The following TBC1D5 variants were observed in gnomAD, a reference collection of about 807,000 sequenced individuals.
TBC1D5 encodes the protein TBC1 domain family member 5, also known as TBC1 domain family, member 5.
Under a neutral mutation model 100.3 loss-of-function variants are expected in TBC1D5, and 75 were observed. The observed-to-expected ratio is 0.75, with a 90% CI of 0.62 to 0.91. The LOEUF is 0.91. TBC1D5 is among the 40% of genes least tolerant of loss of function. The pLI is 0.00. For synonymous variants in TBC1D5, 323 were observed against 325.6 expected, an observed-to-expected ratio of 0.99 and a Z score of 0.09; for missense variants, 910 against 942.4, an observed-to-expected ratio of 0.97 and a Z score of 0.45.
intron 2 of TBC1D5, among the ~76,000 whole-genome samples, chr3:17,620,772 A>C (rs946447070): frequency 2.6e-5 from 4 of 152,142 alleles, no homozygotes; most frequent in African/African-American, 9.7e-5. Context: ...ATATTCAAAA[A>C]ATTAAATCAA....
exon 16 of TBC1D5, chr3:17,258,516 T>G (rs760312362): frequency 6.2e-7 from 1 of 1,612,332 alleles, no homozygotes; most frequent in Non-Finnish European, 8.5e-7. Context: ...CGGCTTTTAT[T>G]CATGAGGTCT....
chr3:17,741,137 T>C (rs1275338196), upstream of TBC1D5, among the ~76,000 whole-genome samples: 1 of 152,222 alleles, frequency 6.6e-6, no homozygotes, highest in Non-Finnish European at 1.5e-5. Context: ...TCAAAGATAG[T>C]CCCTTGTCCA....
chr3:17,398,250 G>C (rs1559799609), intron 8 of TBC1D5, among the ~76,000 whole-genome samples: 3 of 152,072 alleles, frequency 2.0e-5, no homozygotes, highest in Admixed American at 6.6e-5. Flanking sequence ...AATGGGAATA[G>C]TAACAACCTC....
At position 17,422,346 on chromosome 3, in the gene TBC1D5, G is replaced by GT. The variant is rs200102244; in HGVS notation, c.167+6103dup. 8.5e-3 allele frequency among the ~76,000 whole-genome samples: 1,257 copies of GT among 147,088 alleles called. 27 individuals carry two copies. Among genetic ancestry groups the GT allele is most frequent in the African/African-American group, 0.03 (1,175 of 39,016 alleles). On this transcript the variant is annotated intron_variant, in intron 4 of 21. Coordinates refer to ENST00000253692, the Ensembl canonical transcript of TBC1D5. ...ACCACACTGGCTAATTTTGTTTTTT[G>GT]TTTTTTTGTTTTTTTTTTTCAGTAG...
chr3:17,318,680 T>C (rs1184161154), intron 13 of TBC1D5, among the ~76,000 whole-genome samples: 1 of 152,228 alleles, frequency 6.6e-6, no homozygotes, highest in Non-Finnish European at 1.5e-5. Flanking sequence ...CCAGTGTTTT[T>C]TCTATTCTTT....
At chr3:17,251,107 G>C (rs1249444167) in intron 16 of TBC1D5, among the ~76,000 whole-genome samples, 2 of 152,054 alleles carry the variant, frequency 1.3e-5, no homozygotes, top group Non-Finnish European at 1.5e-5. Context: ...AAACAAGCTT[G>C]ATAATCTTAC....
At chr3:17,201,069 T>C (rs2071403711) in intron 18 of TBC1D5, among the ~76,000 whole-genome samples, 1 of 152,216 alleles carries the variant, frequency 6.6e-6, no homozygotes, top group South Asian at 2.1e-4. Context: ...CTAACATGTT[T>C]TCCTGGTAAA....
At chr3:17,208,972 T>C (rs2072598424) in intron 18 of TBC1D5, among the ~76,000 whole-genome samples, 2 of 152,224 alleles carry the variant, frequency 1.3e-5, no homozygotes, top group Admixed American at 1.3e-4. Flanking sequence ...AACACTTACA[T>C]AAGTGTTAAT....
At chr3:17,527,782 G>C (rs2096158136) in intron 2 of TBC1D5, among the ~76,000 whole-genome samples, 2 of 152,084 alleles carry the variant, frequency 1.3e-5, no homozygotes, top group South Asian at 4.2e-4. Flanking sequence ...TGGGCATCTA[G>C]CCAGATGACA....
chr3:17,694,199 T>A (rs371245925), intron 1 of TBC1D5, among the ~76,000 whole-genome samples: 17 of 152,318 alleles, frequency 1.1e-4, no homozygotes, highest in African/African-American at 4.1e-4. Flanking sequence ...CTCCAAAACA[T>A]TGCAGCTCCT....
intron 19 of TBC1D5, among the ~76,000 whole-genome samples, chr3:17,170,654 G>A (rs1170293953): frequency 6.6e-6 from 1 of 152,064 alleles, no homozygotes; most frequent in African/African-American, 2.4e-5. Context: ...CACAGTCTAT[G>A]GGCACACAGG....
chr3:17,596,235 C>G (rs1218794870), intron 2 of TBC1D5, among the ~76,000 whole-genome samples: 1 of 151,360 alleles, frequency 6.6e-6, no homozygotes, highest in African/African-American at 2.4e-5. Flanking sequence ...ACTTGAGAAG[C>G]TTATTAAAAT....
At chr3:17,340,446 G>A (rs537353177) in intron 13 of TBC1D5, among the ~76,000 whole-genome samples, 78 of 152,292 alleles carry the variant, frequency 5.1e-4, no homozygotes, top group African/African-American at 1.7e-3. Context: ...CAACAGCAGT[G>A]CTGGGGTGCA....
intron 1 of TBC1D5, among the ~76,000 whole-genome samples, chr3:17,729,610 C>A (rs1019166799): frequency 6.6e-6 from 1 of 151,400 alleles, no homozygotes; most frequent in South Asian, 2.1e-4. Flanking sequence ...AGGAGGCTGA[C>A]GCAGGAGAAT....
At chr3:17,283,881 T>C (rs1344817160) in intron 15 of TBC1D5, among the ~76,000 whole-genome samples, 1 of 152,134 alleles carries the variant, frequency 6.6e-6, no homozygotes, top group Non-Finnish European at 1.5e-5. Flanking sequence ...TCTTTCAATT[T>C]CACCAATAGC....
At chr3:17,412,439 A>G (rs78371281) in intron 4 of TBC1D5, among the ~76,000 whole-genome samples, 3,410 of 152,282 alleles carry the variant, frequency 0.022, 118 homozygotes, top group African/African-American at 0.077. Context: ...TAGCCCTTCT[A>G]GGGGAGAAGG....
intron 19 of TBC1D5, among the ~76,000 whole-genome samples, chr3:17,173,127 C>T (rs906137611): frequency 3.9e-5 from 6 of 152,132 alleles, no homozygotes; most frequent in African/African-American, 1.4e-4. Context: ...AGCAACCCTT[C>T]TAGATGAGAA....
chr3:17,256,285 A>C (rs922563911), intron 16 of TBC1D5, among the ~76,000 whole-genome samples: 1 of 151,598 alleles, frequency 6.6e-6, no homozygotes, highest in Non-Finnish European at 1.5e-5. Context: ...ACTACATTTT[A>C]TTTAGTTGAA....
At chr3:17,359,208 G>C (rs1252616423) in intron 13 of TBC1D5, among the ~76,000 whole-genome samples, 2 of 152,048 alleles carry the variant, frequency 1.3e-5, no homozygotes, top group African/African-American at 4.8e-5. Flanking sequence ...CTTAGGGTTT[G>C]TTGGTTGAAG....
Sources: allele counts gnomAD v4.1 joint callset (sites outside exome capture counted in the v4.1 genomes callset), GRCh38; gene constraint gnomAD v4.1.1; transcripts MANE v1.5; gene names NCBI Gene and HGNC (gene_info 2026-07-23, HGNC 2026-07-21).